The following IFT122 variants were observed in gnomAD, a reference collection of about 807,000 sequenced individuals.
The protein encoded by IFT122 is intraflagellar transport 122.
Under a neutral mutation model 161.6 loss-of-function variants are expected in IFT122, and 118 were observed. That is an observed-to-expected ratio of 0.73 (90% CI 0.63 to 0.85). The LOEUF (loss-of-function observed/expected upper bound fraction) is 0.85, where lower values mean the gene tolerates loss of function less well. Among genes scored for constraint, IFT122 ranks in the 40% least tolerant of loss-of-function variants. The probability of loss-of-function intolerance (pLI) is 0.00; values close to 1 mark genes in which losing one functional copy is unlikely to be tolerated. For missense variants in IFT122, 1,381 were observed against 1,579.6 expected (o/e 0.87, Z 2.13); for synonymous variants, 550 against 602.4 (o/e 0.91, Z 1.27).
chr3:129,500,148 A>G, intron 19 of IFT122, 80 bp downstream of exon 19: 1 of 1,497,532 alleles, frequency 6.7e-7, no homozygotes, highest in Admixed American at 1.7e-5. Flanking sequence ...GGGAACCAAT[A>G]GTGCTTTTCT....
chr3:129,497,276 T>A (rs2080978579), intron 18 of IFT122, among the ~76,000 whole-genome samples: 2 of 152,000 alleles, frequency 1.3e-5, no homozygotes, highest in South Asian at 2.1e-4. Context: ...CAAAAAAAAA[T>A]AATAAAATGC....
chr3:129,515,469 G>A lies in IFT122; in HGVS notation c.3154-19G>A, dbSNP rs1266801077. ...ACGTGCCTGCCCCGGCCCCTCGGGA[G>A]TCCGTGGCTGTTTTGTAGGAGTTGG... On this transcript the variant is annotated intron_variant, in intron 25 of 29. Coordinates refer to ENST00000348417, the MANE Select transcript of IFT122 (RefSeq NM_052989.3). 3 of 1,145,402 alleles carry A rather than the reference G, an allele frequency of 2.6e-6. No homozygotes were observed. Among genetic ancestry groups the A allele is most frequent in the African/African-American group, 1.6e-5 (1 of 61,888 alleles). 71.0% of individuals were successfully genotyped at this position (1,145,402 alleles called of 1,614,324 possible). A position where few individuals can be genotyped will look rare whatever the true frequency, so the allele number is the denominator to read the frequency against.
At chr3:129,444,114 G>C (rs1041816315) in intron 1 of IFT122, among the ~76,000 whole-genome samples, 7 of 152,240 alleles carry the variant, frequency 4.6e-5, no homozygotes, top group African/African-American at 1.7e-4. Context: ...CACCCCGTGA[G>C]TAGGAGGCTA....
intron 3 of IFT122, among the ~76,000 whole-genome samples, chr3:129,455,322 G>A (rs2075346271): frequency 6.6e-6 from 1 of 151,856 alleles, no homozygotes; most frequent in Non-Finnish European, 1.5e-5. Flanking sequence ...ACAGGCACGC[G>A]CCACCATGCC....
chr3:129,465,506 G>A (rs1180061822), intron 7 of IFT122, among the ~76,000 whole-genome samples: 4 of 130,862 alleles, frequency 3.1e-5, no homozygotes, highest in Non-Finnish European at 6.2e-5. Flanking sequence ...AGTCTCGCTC[G>A]GTTGCCCAGC....
intron 3 of IFT122, among the ~76,000 whole-genome samples, chr3:129,453,905 G>A (rs1402155236): frequency 6.6e-6 from 1 of 152,200 alleles, no homozygotes; most frequent in Non-Finnish European, 1.5e-5. Context: ...CCCAACACCA[G>A]AGTTCTGTGA....
chr3:129,452,702 A>G (rs747907389), intron 3 of IFT122, among the ~76,000 whole-genome samples: 8 of 152,212 alleles, frequency 5.3e-5, no homozygotes, highest in Non-Finnish European at 7.4e-5. Context: ...TTCTCAGTCA[A>G]AATGGAACTA....
Position 129,476,725 on chromosome 3 carries a change from G to A in IFT122, c.1071G>A (p.Gly357=). 3 of 1,614,190 alleles carry A rather than the reference G, an allele frequency of 1.9e-6. No homozygotes were observed. Among genetic ancestry groups the A allele is most frequent in the Non-Finnish European group, 2.5e-6 (3 of 1,180,044 alleles). Residue 357 remains glycine (G), a synonymous_variant, in exon 11 of 30, where the codon GGG becomes GGA. Transcript: ENST00000348417. ...AGCTTATTTTCAGCACAGTCCATGG[G>A]CTTTACAAGGACCGCTATGCCTACA... is the stretch of plus-strand genomic sequence containing the variant. The part of the protein sequence containing the change: ...FYQLIFSTVH[G]LYKDRYAYRD...
chr3:129,518,384 C>G (rs560637122), intron 27 of IFT122, among the ~76,000 whole-genome samples: 91 of 152,350 alleles, frequency 6.0e-4, no homozygotes, highest in African/African-American at 2.0e-3. Flanking sequence ...TGAGGCCTCG[C>G]TCCCTTGCAC....
rs535270845 is a variant in IFT122, at chr3:129,440,450, G to A, written c.41+79G>A. The A allele has an allele frequency of 3.3e-6, 5 of 1,501,164 alleles. No homozygotes were observed. In the African/African-American group the frequency reaches 5.5e-5, roughly 17 times the overall value. 93.0% of individuals were successfully genotyped at this position (1,501,164 alleles called of 1,614,324 possible). On this transcript the variant is annotated intron_variant, in intron 1 of 29. Coordinates refer to ENST00000348417, the MANE Select transcript of IFT122 (RefSeq NM_052989.3). ...GCGCGAGCCGCTGCAGCGTGTTTGA[G>A]GGGGGCAGCGGGCTTGCTGCCTGGG...
chr3:129,473,823 A>C (rs2077618708), intron 9 of IFT122, among the ~76,000 whole-genome samples: 1 of 152,128 alleles, frequency 6.6e-6, no homozygotes, highest in African/African-American at 2.4e-5. Context: ...AAGTTCACCT[A>C]GTGTTTGTTC....
intron 14 of IFT122, 132 bp downstream of exon 14, chr3:129,481,826 GCA>G (rs2078685663): frequency 1.1e-6 from 1 of 932,960 alleles, no homozygotes; most frequent in Non-Finnish European, 1.7e-6. Flanking sequence ...CCAAGCACAT[GCA>G]CAGAGTCCCA....
At chr3:129,472,390 C>A (rs2077455872) in intron 9 of IFT122, among the ~76,000 whole-genome samples, 1 of 151,766 alleles carries the variant, frequency 6.6e-6, no homozygotes, top group Admixed American at 6.6e-5. Context: ...GTCTCAAACT[C>A]CTGGGCTCAA....
chr3:129,487,535 A>C (rs1289312548), intron 15 of IFT122: 1 of 157,586 alleles, frequency 6.3e-6, no homozygotes, highest in Non-Finnish European at 1.4e-5. Flanking sequence ...CAGCAAGGCA[A>C]CCCCATCTTG....
rs932907171 is a variant in IFT122, at chr3:129,498,404, G to A, written c.2209-1498G>A. Among the ~76,000 whole-genome samples, 4 of 152,312 alleles carry A rather than the reference G, an allele frequency of 2.6e-5. No homozygotes were observed. The South Asian group carries it at 6.2e-4, about 24-fold the overall frequency. On this transcript the variant is annotated intron_variant, in intron 18 of 29. Transcript: ENST00000348417. ...AGCTTCGTGCTGGCATAGAGAATCCGCGCCATAGCAGCTGCCAGAAGGAAA... is the reference window on the plus strand; with the variant it reads ...AGCTTCGTGCTGGCATAGAGAATCCACGCCATAGCAGCTGCCAGAAGGAAA...
chr3:129,452,255 T>G (rs2074939727), intron 3 of IFT122: 2 of 457,670 alleles, frequency 4.4e-6, no homozygotes, highest in African/African-American at 4.0e-5. Flanking sequence ...ATGGGGCTTC[T>G]GTTTTATGGG....
chr3:129,462,591 A>G (rs930431768), intron 5 of IFT122, among the ~76,000 whole-genome samples: 1 of 152,262 alleles, frequency 6.6e-6, no homozygotes, highest in Admixed American at 6.5e-5. Context: ...GGCTCCAGGC[A>G]GGCTTAGTGG....
At chr3:129,452,959 G>A (rs575833013) in intron 3 of IFT122, among the ~76,000 whole-genome samples, 2 of 152,154 alleles carry the variant, frequency 1.3e-5, no homozygotes, top group African/African-American at 4.8e-5. Context: ...ATTGGATATG[G>A]GCTATGAAGA....
chr3:129,469,233 T>G (rs2077115172), intron 8 of IFT122, 109 bp from the exon 9 acceptor site: 2 of 959,238 alleles, frequency 2.1e-6, no homozygotes, highest in South Asian at 2.6e-5. Context: ...TGTACAACAT[T>G]TGGCAACCTG....
Sources: gnomAD v4.1 joint callset for allele counts (sites outside exome capture counted in the v4.1 genomes callset) on GRCh38, gnomAD v4.1.1 for gene constraint, MANE v1.5 for transcripts, NCBI Gene and HGNC (gene_info 2026-07-23, HGNC 2026-07-21) for gene names.